Variants in LRRC18 observed in about 807,000 individuals in gnomAD.
LRRC18 encodes leucine-rich repeat-containing protein 18.
A neutral mutation model predicts 11.2 loss-of-function variants in LRRC18; 12 were observed. The observed-to-expected ratio is 1.07, with a 90% CI of 0.69 to 1.74. LRRC18 has a LOEUF of 1.74. Ranked by LOEUF, LRRC18 falls within the 40% of genes most tolerant of loss-of-function variation. LRRC18 has a pLI of 0.00. For synonymous variants in LRRC18, 155 were observed against 130.6 expected (o/e 1.19, Z -1.27); for missense variants, 374 against 330.5 (o/e 1.13, Z -1.02).
intron 1 of LRRC18, 38 bp downstream of exon 3, chr10:48,913,354 C>A: frequency 6.3e-7 from 1 of 1,587,056 alleles, no homozygotes; most frequent in South Asian, 1.1e-5. Context: ...CCCTCCCTCT[C>A]TCTTTCCCTT....
the LRRC18 span, among the ~76,000 whole-genome samples, chr10:48,937,083 G>A: frequency 3.3e-5 from 5 of 151,986 alleles, no homozygotes; most frequent in East Asian, 5.9e-4. Context: ...TAGTAGAGAC[G>A]AGGTTTTTCC....
chr10:48,934,589 A>C, the LRRC18 span, among the ~76,000 whole-genome samples: 1 of 152,314 alleles, frequency 6.6e-6, no homozygotes, highest in Admixed American at 6.5e-5. Context: ...GGGCTTAACC[A>C]CTTATTAGTG....
the LRRC18 span, among the ~76,000 whole-genome samples, chr10:48,929,586 G>A: frequency 6.6e-6 from 1 of 152,178 alleles, no homozygotes; most frequent in Admixed American, 6.5e-5. Context: ...CACTCTCCTG[G>A]TAAGCCCACC....
At chr10:48,926,400 T>G in the LRRC18 span, among the ~76,000 whole-genome samples, 1 of 152,204 alleles carries the variant, frequency 6.6e-6, no homozygotes, top group African/African-American at 2.4e-5. Context: ...GGAACTGCAA[T>G]GTCACCCCCT....
chr10:48,932,159 A>G, the LRRC18 span, among the ~76,000 whole-genome samples: 1 of 152,226 alleles, frequency 6.6e-6, no homozygotes, highest in East Asian at 1.9e-4. Context: ...GGTGATAAAA[A>G]TGTTAGGTGA....
At chr10:48,913,837 G>A (rs746933955) in exon 1 of LRRC18, 25 of 1,613,978 alleles carry the variant, frequency 1.5e-5, no homozygotes, top group Middle Eastern at 1.6e-4. Flanking sequence ...CTGGTCAGCC[G>A]GTTGTTGCTG....
At chr10:48,929,031 C>G in the LRRC18 span, among the ~76,000 whole-genome samples, 8 of 152,054 alleles carry the variant, frequency 5.3e-5, no homozygotes, top group African/African-American at 1.9e-4. Flanking sequence ...AGGATAGAGA[C>G]ATAGAGATTA....
the LRRC18 span, among the ~76,000 whole-genome samples, chr10:48,934,282 G>C: frequency 3.3e-5 from 5 of 152,166 alleles, no homozygotes; most frequent in Admixed American, 3.3e-4. Context: ...CTACTTTTTA[G>C]CACATTAAAA....
At chr10:48,923,158 C>T in the LRRC18 span, among the ~76,000 whole-genome samples, 1 of 152,238 alleles carries the variant, frequency 6.6e-6, no homozygotes, top group South Asian at 2.1e-4. Flanking sequence ...TTTTGTTAAG[C>T]CCCCACACAA....
the LRRC18 span, among the ~76,000 whole-genome samples, chr10:48,922,334 T>C: frequency 6.6e-6 from 1 of 152,232 alleles, no homozygotes; most frequent in Non-Finnish European, 1.5e-5. Flanking sequence ...ACTTAGTAGC[T>C]GTCCTAGTAG....
chr10:48,914,272 G>A (rs1189900671), upstream of LRRC18: 9 of 1,111,942 alleles, frequency 8.1e-6, no homozygotes, highest in Non-Finnish European at 1.1e-5. Context: ...GGAGATGCCA[G>A]AGGGCACTGG....
the LRRC18 span, among the ~76,000 whole-genome samples, chr10:48,932,196 G>A: frequency 6.6e-6 from 1 of 152,238 alleles, no homozygotes; most frequent in African/African-American, 2.4e-5. Context: ...ACTCAACAAA[G>A]CCAGTCATCT....
the LRRC18 span, among the ~76,000 whole-genome samples, chr10:48,938,559 G>A: frequency 6.6e-6 from 1 of 152,238 alleles, no homozygotes; most frequent in African/African-American, 2.4e-5. Flanking sequence ...CCTGGTTTCA[G>A]GGTAGGGTGG....
exon 1 of LRRC18, chr10:48,914,131 T>G (rs777786128): frequency 6.2e-7 from 1 of 1,614,060 alleles, no homozygotes; most frequent in South Asian, 1.1e-5. Context: ...TTCTTGCCCT[T>G]GGGGCCTTTC....
At chr10:48,932,522 C>T in the LRRC18 span, 9 of 152,266 alleles carry the variant, frequency 5.9e-5, no homozygotes, top group African/African-American at 2.2e-4. Flanking sequence ...TCAGTCTCCT[C>T]ATTCAGTCAT....
chr10:48,915,191 CA>C (rs1272368334), upstream of LRRC18, among the ~76,000 whole-genome samples: 2 of 152,194 alleles, frequency 1.3e-5, no homozygotes, highest in African/African-American at 2.4e-5. Context: ...GCACTTATAA[CA>C]GTGCCTGGTA....
chr10:48,916,063 C>T (rs1479395388), upstream of LRRC18, among the ~76,000 whole-genome samples: 12 of 152,194 alleles, frequency 7.9e-5, no homozygotes, highest in African/African-American at 2.9e-4. Context: ...GCAAGTAAAG[C>T]CTTGGGCAGA....
the LRRC18 span, among the ~76,000 whole-genome samples, chr10:48,925,292 A>G: frequency 2.6e-5 from 4 of 152,126 alleles, no homozygotes; most frequent in African/African-American, 9.7e-5. Context: ...CCCTCTAAAG[A>G]GAGGCGGGGC....
At chr10:48,925,228 C>T in the LRRC18 span, among the ~76,000 whole-genome samples, 6 of 152,210 alleles carry the variant, frequency 3.9e-5, no homozygotes, top group Admixed American at 1.3e-4. Context: ...TGTGACCTCC[C>T]GAGTGGCTTC....
Sources: allele counts gnomAD v4.1 joint callset (sites outside exome capture counted in the v4.1 genomes callset), GRCh38; gene constraint gnomAD v4.1.1; transcripts MANE v1.5; gene names NCBI Gene and HGNC (gene_info 2026-07-23, HGNC 2026-07-21).